The following KIF26B variants were observed in gnomAD, a reference collection of about 807,000 sequenced individuals.
The protein encoded by KIF26B is kinesin-like protein KIF26B.
Under a neutral mutation model 151.2 loss-of-function variants are expected in KIF26B, and 63 were observed. The ratio of observed to expected loss-of-function variants is 0.42; its 90% CI spans 0.34 to 0.51. The LOEUF (loss-of-function observed/expected upper bound fraction) is 0.51. Ranked by LOEUF, KIF26B falls within the 20% of genes least tolerant of loss-of-function variation. KIF26B has a pLI of 0.07. For missense variants in KIF26B, 2,813 were observed against 2,913.6 expected, an observed-to-expected ratio of 0.97 and a Z score of 0.79; for synonymous variants, 1,357 against 1,262.1, an observed-to-expected ratio of 1.08 and a Z score of -1.59.
intron 3 of KIF26B, among the ~76,000 whole-genome samples, chr1:245,397,947 T>G (rs1000628862): frequency 1.3e-4 from 20 of 152,208 alleles, no homozygotes; most frequent in Non-Finnish European, 5.9e-5. Flanking sequence ...TTTCTTGCAT[T>G]TTAGGGAAGT....
At chr1:245,419,779 G>A (rs890776617) in intron 4 of KIF26B, 34 bp downstream of exon 4, 52 of 1,566,918 alleles carry the variant, frequency 3.3e-5, no homozygotes, top group Non-Finnish European at 4.2e-5. Context: ...GGTTCTTTCC[G>A]ATGAGCCCAG....
At chr1:245,270,151 T>C (rs1670824895) in intron 2 of KIF26B, among the ~76,000 whole-genome samples, 1 of 151,620 alleles carries the variant, frequency 6.6e-6, no homozygotes, top group Non-Finnish European at 1.5e-5. Context: ...TTCCCTTCCT[T>C]CTTCCTTTCT....
At chr1:245,332,617 A>G (rs6703283) in intron 2 of KIF26B, among the ~76,000 whole-genome samples, 39,099 of 151,718 alleles carry the variant, frequency 0.26, 7,507 homozygotes, top group African/African-American at 0.52. Context: ...CACTGCTGAC[A>G]TGTTGTGAGT....
chr1:245,699,025 T>C lies in KIF26B; in HGVS notation c.6166T>C (p.Trp2056Arg), dbSNP rs1356114830. 1 of 1,613,728 alleles carries C rather than the reference T, an allele frequency of 6.2e-7. No homozygotes were observed. The highest frequency in any genetic ancestry group is 2.2e-5 in the East Asian group (1 of 44,862). ...KQYLMLDPNK[W>R]LSEFDLEQVW... The stretch of plus-strand genomic sequence containing the variant: ...GTATCTGATGCTGGATCCCAACAAG[T>C]GGCTCAGTGAATGTAAGGCCGGGGT... The change falls in exon 14 of 15, where the codon TGG becomes CGG. Residue 2056 changes from tryptophan to arginine, a missense_variant. Trp to Arg is a moderately radical substitution (Grantham distance 101, BLOSUM62 -3). This residue lies in a region of KIF26B where 2,060 missense variants were observed against 2,088.6 expected (regional missense o/e 0.99). Transcript: ENST00000407071.
chr1:245,266,973 T>G (rs1670758650), intron 2 of KIF26B, among the ~76,000 whole-genome samples: 1 of 151,238 alleles, frequency 6.6e-6, no homozygotes, highest in Non-Finnish European at 1.5e-5. Context: ...AGGCCCCCTG[T>G]GGGCCTGGTC....
rs560736421 is a variant in KIF26B at position 245,707,804 on chromosome 1, A to G, written c.*5198A>G. The G allele has an allele frequency of 1.3e-5, 2 of 152,198 alleles. No individual in the cohort carries two copies. Among genetic ancestry groups the G allele is most frequent in the African/African-American group, 4.8e-5 (2 of 41,502 alleles). The allele number at this position is 152,198 out of a possible 1,614,324, so 9.4% of individuals were successfully genotyped here. ...TTGATGAGAATGGGCTTGGAAATCC[A>G]CGCCCACCGGCTTGCACGGAAGAGG... On this transcript the variant is annotated 3_prime_UTR_variant, in exon 15 of 15. Transcript: ENST00000407071.
intron 2 of KIF26B, among the ~76,000 whole-genome samples, chr1:245,199,213 A>C (rs1212941043): frequency 6.6e-6 from 1 of 152,112 alleles, no homozygotes; most frequent in Non-Finnish European, 1.5e-5. Context: ...TCTCTATCAG[A>C]TGCAAATCTA....
chr1:245,284,386 T>C (rs944263473), intron 2 of KIF26B, among the ~76,000 whole-genome samples: 6 of 26,088 alleles, frequency 2.3e-4, no homozygotes, highest in African/African-American at 1.2e-3. Context: ...CCTGGAGTAT[T>C]ATTACCAGCC....
At chr1:245,692,513 A>C (rs2044639179) in intron 12 of KIF26B, among the ~76,000 whole-genome samples, 1 of 152,134 alleles carries the variant, frequency 6.6e-6, no homozygotes, top group Admixed American at 6.5e-5. Flanking sequence ...TGGGACTGCA[A>C]ACTCCCAGCG....
At chr1:245,600,580 A>G (rs2043385873) in intron 5 of KIF26B, among the ~76,000 whole-genome samples, 1 of 149,396 alleles carries the variant, frequency 6.7e-6, no homozygotes, top group Non-Finnish European at 1.5e-5. Context: ...CTCTGCCCAC[A>G]TGCTGGGCAT....
At chr1:245,482,812 T>G (rs1263875395) in intron 4 of KIF26B, among the ~76,000 whole-genome samples, 6 of 151,718 alleles carry the variant, frequency 4.0e-5, no homozygotes, top group African/African-American at 1.4e-4. Flanking sequence ...GGAAGATATG[T>G]GCTGTGAGTT....
In KIF26B at chr1:245,688,708, G is replaced by A. The variant is rs1432157761; in HGVS notation, c.5725G>A (p.Gly1909Ser). 7.5e-6 allele frequency: 12 copies of A among 1,607,814 alleles called. No homozygotes were observed. The highest frequency in any genetic ancestry group is 1.3e-5 in the African/African-American group (1 of 74,946). ...ESVMRDSEAT[G>S]SASSAQDSTS... ...CGTGATGCGGGACAGCGAGGCCACC[G>A]GCAGCGCGTCCTCGGCGCAGGACTC... is the stretch of plus-strand genomic sequence containing the variant. Residue 1909 changes from glycine to serine, a missense_variant, in exon 12 of 15, where the codon GGC becomes AGC. This residue lies in a region of KIF26B where 2,060 missense variants were observed against 2,088.6 expected (regional missense o/e 0.99). Coordinates refer to ENST00000407071, the MANE Select transcript of KIF26B (RefSeq NM_018012.4).
intron 2 of KIF26B, among the ~76,000 whole-genome samples, chr1:245,193,083 C>T (rs1252989375): frequency 6.6e-6 from 1 of 152,162 alleles, no homozygotes; most frequent in Non-Finnish European, 1.5e-5. Flanking sequence ...TGTTGTTCCC[C>T]TCCTAGTATC....
chr1:245,658,631 A>G (rs2044100454), intron 10 of KIF26B, among the ~76,000 whole-genome samples: 1 of 152,130 alleles, frequency 6.6e-6, no homozygotes, highest in African/African-American at 2.4e-5. Flanking sequence ...AGCTCAAGCA[A>G]TCCTCCTGCC....
chr1:245,270,337 CCCTTCCCTTCCT>C (rs1226299989), intron 2 of KIF26B, among the ~76,000 whole-genome samples: 1 of 140,626 alleles, frequency 7.1e-6, no homozygotes, highest in Non-Finnish European at 1.5e-5. Flanking sequence ...TTTTTCCTTT[CCCTTCCCTTCCT>C]CCTTCCCTTC....
chr1:245,271,078 T>C (rs1670849167), intron 2 of KIF26B, among the ~76,000 whole-genome samples: 1 of 152,236 alleles, frequency 6.6e-6, no homozygotes, highest in Non-Finnish European at 1.5e-5. Flanking sequence ...GTGGGTTTAC[T>C]TCTGATCTCT....
At chr1:245,296,224 G>A (rs1671334511) in intron 2 of KIF26B, among the ~76,000 whole-genome samples, 1 of 151,326 alleles carries the variant, frequency 6.6e-6, no homozygotes, top group African/African-American at 2.4e-5. Context: ...TAAATTCAGA[G>A]AACAGGGGTG....
intron 4 of KIF26B, among the ~76,000 whole-genome samples, chr1:245,464,708 G>A (rs932960378): frequency 2.6e-5 from 4 of 152,166 alleles, no homozygotes; most frequent in African/African-American, 9.6e-5. Context: ...GTGTGCAAGC[G>A]TCTGGCACAC....
intron 5 of KIF26B, among the ~76,000 whole-genome samples, chr1:245,568,554 A>G (rs1375145091): frequency 1.3e-5 from 2 of 152,222 alleles, no homozygotes; most frequent in African/African-American, 2.4e-5. Flanking sequence ...GAGACATTAC[A>G]TAGTTTGAGG....
Sources: allele counts gnomAD v4.1 joint callset (sites outside exome capture counted in the v4.1 genomes callset), GRCh38; gene constraint gnomAD v4.1.1; regional missense constraint gnomAD v4.1.1; transcripts MANE v1.5; gene names NCBI Gene and HGNC (gene_info 2026-07-23, HGNC 2026-07-21).